The following DNAH8 variants were observed in gnomAD, a reference collection of about 807,000 sequenced individuals.
DNAH8 encodes axonemal beta dynein heavy chain 8.
In DNAH8, 382 loss-of-function variants were observed where a neutral mutation model predicts 562.1. The ratio of observed to expected loss-of-function variants is 0.68; its 90% CI spans 0.63 to 0.74. The LOEUF (loss-of-function observed/expected upper bound fraction) is 0.74. Among genes scored for constraint, DNAH8 ranks in the 30% least tolerant of loss-of-function variants. The probability of loss-of-function intolerance (pLI) is 0.00; values close to 1 mark genes in which losing one functional copy is unlikely to be tolerated. For missense variants in DNAH8, 5,203 were observed against 5,620.4 expected (o/e 0.93, Z 2.37); for synonymous variants, 1,881 against 1,919.4 (o/e 0.98, Z 0.52).
At chr6:38,754,912 T>A (rs569273297) in intron 9 of DNAH8, among the ~76,000 whole-genome samples, 2 of 152,270 alleles carry the variant, frequency 1.3e-5, no homozygotes, top group South Asian at 4.1e-4. Context: ...AAATTATTAG[T>A]TCTCTCCTTG....
In DNAH8 at chr6:38,779,976, C is replaced by T. The variant is rs1335649066; in HGVS notation, c.2050C>T (p.Leu684=). 3.7e-6 allele frequency: 6 copies of T among 1,613,792 alleles called. No homozygotes were observed. The highest frequency in any genetic ancestry group is 3.3e-5 in the Admixed American group (2 of 59,982). ...ALQLLQRFQK[L]NIPCLGLEIN... ...TTTGATTACTTTTAGGTTTCAGAAG[C>T]TGAACATTCCCTGTCTGGGATTAGA... The change falls in exon 15 of 93, where the codon CTG becomes TTG. Residue 684 remains leucine (L), a synonymous_variant. Transcript: ENST00000327475.
At chr6:38,830,829 C>T (rs1046487673) in intron 30 of DNAH8, among the ~76,000 whole-genome samples, 1 of 152,236 alleles carries the variant, frequency 6.6e-6, no homozygotes, top group African/African-American at 2.4e-5. Context: ...CAGCTTGTGA[C>T]TATAGCTCCA....
At chr6:38,876,417 C>T (rs920043511) in intron 53 of DNAH8, among the ~76,000 whole-genome samples, 4 of 152,182 alleles carry the variant, frequency 2.6e-5, no homozygotes, top group African/African-American at 7.2e-5. Context: ...CTCTAATTAC[C>T]TCTGGTTCTT....
At chr6:38,765,983 A>G (rs1007009225) in intron 11 of DNAH8, among the ~76,000 whole-genome samples, 2 of 152,196 alleles carry the variant, frequency 1.3e-5, no homozygotes, top group African/African-American at 2.4e-5. Context: ...AAAGGAAATG[A>G]TATAACTGTC....
intron 60 of DNAH8, among the ~76,000 whole-genome samples, chr6:38,897,002 T>C: frequency 6.6e-6 from 1 of 151,992 alleles, no homozygotes; most frequent in East Asian, 1.9e-4. Flanking sequence ...GGTCCTGTGA[T>C]TACAGGTGCT....
At position 38,852,761 on chromosome 6, in the gene DNAH8, T is replaced by C; in HGVS notation, c.5534T>C (p.Ile1845Thr). ...VTFHAKDYDR[I>T]MAVISREGEK... ...TTTCATGCAAAAGACTATGATCGCA[T>C]CATGGCCGTCATATCAAGAGAAGGA... The change falls in exon 40 of 93, where the codon ATC (isoleucine) becomes ACC (threonine). Residue 1845 changes from isoleucine to threonine, a missense_variant. Coordinates refer to ENST00000327475, the MANE Select transcript of DNAH8 (RefSeq NM_001206927.2). 6.2e-7 allele frequency: 1 copy of C among 1,613,596 alleles called. No individual in the cohort carries two copies. Among genetic ancestry groups the C allele is most frequent in the Non-Finnish European group, 8.5e-7 (1 of 1,179,686 alleles).
At chr6:38,966,240 C>A (rs1326505661) in intron 82 of DNAH8, among the ~76,000 whole-genome samples, 1 of 152,020 alleles carries the variant, frequency 6.6e-6, no homozygotes, top group Admixed American at 6.6e-5. Flanking sequence ...AATTAGATAA[C>A]CTAGATGAAA....
intron 3 of DNAH8, among the ~76,000 whole-genome samples, chr6:38,729,391 C>A (rs1763484817): frequency 6.6e-6 from 1 of 152,122 alleles, no homozygotes; most frequent in Admixed American, 6.5e-5. Context: ...TACACTGACT[C>A]CTAAGTAATT....
intron 88 of DNAH8, among the ~76,000 whole-genome samples, chr6:38,993,415 T>C (rs985788460): frequency 6.7e-6 from 1 of 149,500 alleles, no homozygotes; most frequent in African/African-American, 2.5e-5. Flanking sequence ...TTATGTTTAT[T>C]TGTTTCTGTT....
intron 86 of DNAH8, 113 bp downstream of exon 86, chr6:38,982,575 C>G: frequency 1.5e-6 from 1 of 647,986 alleles, no homozygotes; most frequent in Non-Finnish European, 2.7e-6. Flanking sequence ...ATGGAGCCCC[C>G]TTTGAAGGGA....
intron 11 of DNAH8, chr6:38,763,630 A>G: frequency 5.7e-6 from 1 of 176,600 alleles, no homozygotes; most frequent in Non-Finnish European, 1.2e-5. Flanking sequence ...CCTGGGCAAC[A>G]TGATGAAACC....
rs1490809963 is a variant in DNAH8, at chr6:38,894,809, A to G, written c.8692A>G (p.Ile2898Val). 1.9e-6 allele frequency: 3 copies of G among 1,614,098 alleles called. No homozygotes were observed. Among genetic ancestry groups the G allele is most frequent in the South Asian group, 1.1e-5 (1 of 91,076 alleles). Reference sequence around the variant, plus strand: ...CATAAAAGCTGAGGAGTGCGCTTCAATCCCTACTCTCCTGTCCCTTTTCAA... The same window carrying G: ...CATAAAAGCTGAGGAGTGCGCTTCAGTCCCTACTCTCCTGTCCCTTTTCAA... ...LTIKAEECASIPTLLSLFKHE... is the reference protein window; with the variant it reads ...LTIKAEECASVPTLLSLFKHE... The change falls in exon 59 of 93, where the codon ATC (isoleucine) becomes GTC (valine). Residue 2898 changes from isoleucine (I) to valine (V), a missense_variant. Physicochemically the swap from Ile to Val is conservative, Grantham distance 29 (BLOSUM62 3). Coordinates refer to ENST00000327475, the MANE Select transcript of DNAH8 (RefSeq NM_001206927.2).
At chr6:39,012,966 G>A (rs1218738748) in intron 91 of DNAH8, among the ~76,000 whole-genome samples, 8 of 152,154 alleles carry the variant, frequency 5.3e-5, no homozygotes, top group Admixed American at 3.3e-4. Context: ...TTAAATGTTT[G>A]TGAAATATCA....
At chr6:38,815,941 A>T (rs1200724644) in intron 26 of DNAH8, among the ~76,000 whole-genome samples, 2 of 152,210 alleles carry the variant, frequency 1.3e-5, no homozygotes, top group Non-Finnish European at 2.9e-5. Context: ...TAAGGTAAAC[A>T]TAAATTCGTC....
chr6:38,933,692 A>G (rs1472271597), intron 76 of DNAH8, among the ~76,000 whole-genome samples: 4 of 152,210 alleles, frequency 2.6e-5, no homozygotes, highest in Non-Finnish European at 5.9e-5. Context: ...AATGCTCTTT[A>G]TCGCCCCATC....
intron 71 of DNAH8, 126 bp downstream of exon 71, chr6:38,921,632 G>A: frequency 9.7e-7 from 1 of 1,035,034 alleles, no homozygotes; most frequent in Non-Finnish European, 1.4e-6. Flanking sequence ...ATCTGCTTTG[G>A]ATCTTTGGTG....
chr6:38,913,890 C>T lies in DNAH8; in HGVS notation c.9901C>T (p.Leu3301Phe). 1 of 1,613,358 alleles carries T rather than the reference C, an allele frequency of 6.2e-7. No homozygotes were observed. The highest frequency in any genetic ancestry group is 1.3e-5 in the African/African-American group (1 of 75,018). Reference protein sequence around the residue: ...LMEASESVAKLSQDLAVKEKE... With the variant: ...LMEASESVAKFSQDLAVKEKE... ...GGAGGCAAGTGAATCTGTTGCTAAACTCTCTCAGGATCTTGCAGTCAAGGA... is the reference window on the plus strand; with the variant it reads ...GGAGGCAAGTGAATCTGTTGCTAAATTCTCTCAGGATCTTGCAGTCAAGGA... The change falls in exon 67 of 93, where the codon CTC becomes TTC. Residue 3301 changes from leucine (L) to phenylalanine (F), a missense_variant. Transcript: ENST00000327475.
At chr6:39,020,914 A>C (rs928948669) in intron 91 of DNAH8, among the ~76,000 whole-genome samples, 1 of 152,106 alleles carries the variant, frequency 6.6e-6, no homozygotes, top group Non-Finnish European at 1.5e-5. Flanking sequence ...TATCCAGTCT[A>C]TCATTGATGG....
chr6:38,794,343 G>A (rs1205330111), intron 21 of DNAH8, among the ~76,000 whole-genome samples: 1 of 150,762 alleles, frequency 6.6e-6, no homozygotes, highest in African/African-American at 2.4e-5. Flanking sequence ...AAAAAACAAA[G>A]CCCATAGAAG....
Sources: gnomAD v4.1 joint callset for allele counts (sites outside exome capture counted in the v4.1 genomes callset) on GRCh38, gnomAD v4.1.1 for gene constraint, MANE v1.5 for transcripts, NCBI Gene and HGNC (gene_info 2026-07-23, HGNC 2026-07-21) for gene names.